TMTC1: variants seen among roughly 807,000 people sequenced by gnomAD.
TMTC1 encodes transmembrane O-mannosyltransferase targeting cadherins 1, also known as protein O-mannosyl-transferase TMTC1.
A neutral mutation model predicts 104.8 loss-of-function variants in TMTC1; 73 were observed. The ratio of observed to expected loss-of-function variants is 0.70; its 90% CI spans 0.58 to 0.85. TMTC1 has a LOEUF of 0.85. TMTC1 is among the 40% of genes least tolerant of loss of function. The pLI is 0.00. For missense variants in TMTC1, 1,035 were observed against 1,096.1 expected (o/e 0.94, Z 0.79); for synonymous variants, 434 against 428.7 (o/e 1.01, Z -0.15).
intron 1 of TMTC1, among the ~76,000 whole-genome samples, chr12:29,777,258 C>A (rs893119934): frequency 1.3e-5 from 2 of 151,986 alleles, no homozygotes; most frequent in Non-Finnish European, 2.9e-5. Context: ...CCATGCCCAG[C>A]TAATTTTTGT....
intron 6 of TMTC1, among the ~76,000 whole-genome samples, chr12:29,604,939 C>A (rs997257837): frequency 1.3e-5 from 2 of 151,986 alleles, no homozygotes; most frequent in African/African-American, 4.8e-5. Context: ...TGACAAAGAA[C>A]CTCCTCTGTT....
At chr12:29,687,226 A>G (rs1415585189) in intron 5 of TMTC1, among the ~76,000 whole-genome samples, 1 of 152,236 alleles carries the variant, frequency 6.6e-6, no homozygotes, top group Non-Finnish European at 1.5e-5. Flanking sequence ...AAACTGATAC[A>G]CTTTAAGTGG....
chr12:29,524,444 A>C (rs1173936244), intron 11 of TMTC1, among the ~76,000 whole-genome samples: 6 of 152,226 alleles, frequency 3.9e-5, no homozygotes, highest in African/African-American at 7.2e-5. Context: ...TCCAGTAGAC[A>C]ATCTAGAGTA....
Position 29,556,978 on chromosome 12 carries a change from C to G in TMTC1, c.1555G>C (p.Ala519Pro). The change falls in exon 10 of 18, where the codon GCG becomes CCG. Residue 519 changes from alanine to proline, a missense_variant. Transcript: ENST00000539277. ...GTCAGTGTTCCAAGGTTGTTGAGCG[C>G]ACTTGCATGGCGTGGATACAACCTG... ...ALKLYPRHASALNNLGTLTRD... is the reference protein window; with the variant it reads ...ALKLYPRHASPLNNLGTLTRD... 6.2e-7 allele frequency: 1 copy of G among 1,614,104 alleles called. No individual in the cohort carries two copies. Among genetic ancestry groups the G allele is most frequent in the South Asian group, 1.1e-5 (1 of 91,070 alleles).
intron 7 of TMTC1, among the ~76,000 whole-genome samples, chr12:29,585,609 A>AT (rs1946112110): frequency 6.6e-6 from 1 of 152,114 alleles, no homozygotes; most frequent in African/African-American, 2.4e-5. Context: ...TCTTGAATTA[A>AT]TTTTTTGTAT....
intron 10 of TMTC1, among the ~76,000 whole-genome samples, chr12:29,547,651 T>C (rs942908743): frequency 1.3e-5 from 2 of 152,196 alleles, no homozygotes; most frequent in African/African-American, 4.8e-5. Flanking sequence ...GTATTTCTCA[T>C]ACATTGACAA....
chr12:29,684,138 C>T (rs1234381246), intron 5 of TMTC1, among the ~76,000 whole-genome samples: 1 of 152,214 alleles, frequency 6.6e-6, no homozygotes, highest in Non-Finnish European at 1.5e-5. Flanking sequence ...GCCCCTGCGT[C>T]CAACCCTTCC....
At chr12:29,543,446 G>A (rs1346629725) in intron 10 of TMTC1, among the ~76,000 whole-genome samples, 1 of 152,168 alleles carries the variant, frequency 6.6e-6, no homozygotes, top group Non-Finnish European at 1.5e-5. Context: ...CGTAGGAAAT[G>A]CCAGTAACAG....
chr12:29,513,437 G>A (rs771349326), intron 16 of TMTC1, among the ~76,000 whole-genome samples: 13 of 152,018 alleles, frequency 8.6e-5, no homozygotes, highest in Non-Finnish European at 1.5e-4. Context: ...TGAAAAGGCA[G>A]AGAAAATCCT....
intron 5 of TMTC1, among the ~76,000 whole-genome samples, chr12:29,748,696 G>A (rs1424107192): frequency 6.6e-6 from 1 of 152,200 alleles, no homozygotes; most frequent in Non-Finnish European, 1.5e-5. Context: ...GTACATAGTA[G>A]TTGGATAATA....
chr12:29,616,667 C>T (rs550663052), intron 6 of TMTC1, among the ~76,000 whole-genome samples: 1,504 of 90,926 alleles, frequency 0.017, 25 homozygotes, highest in African/African-American at 0.059. Flanking sequence ...AAAACTTGGT[C>T]TCAAAAAAAA....
intron 9 of TMTC1, among the ~76,000 whole-genome samples, chr12:29,560,981 T>C (rs1386048462): frequency 6.6e-6 from 1 of 152,200 alleles, no homozygotes; most frequent in Non-Finnish European, 1.5e-5. Context: ...AGACATTGTC[T>C]CATTTACCCT....
intron 5 of TMTC1, among the ~76,000 whole-genome samples, chr12:29,698,973 G>A (rs565154479): frequency 6.6e-6 from 1 of 152,202 alleles, no homozygotes; most frequent in Non-Finnish European, 1.5e-5. Flanking sequence ...ATGGGAAACA[G>A]AATTTTGACT....
chr12:29,645,898 G>C (rs540718308), intron 5 of TMTC1, among the ~76,000 whole-genome samples: 4 of 152,236 alleles, frequency 2.6e-5, no homozygotes, highest in African/African-American at 9.6e-5. Flanking sequence ...CGGATTATTT[G>C]ACAGCAAATC....
At chr12:29,766,008 T>C (rs1365265825) in intron 2 of TMTC1, among the ~76,000 whole-genome samples, 1 of 152,084 alleles carries the variant, frequency 6.6e-6, no homozygotes, top group African/African-American at 2.4e-5. Context: ...ATCATTAGAG[T>C]TACCTGTCAT....
At chr12:29,672,635 T>C (rs956953434) in intron 5 of TMTC1, among the ~76,000 whole-genome samples, 1 of 152,150 alleles carries the variant, frequency 6.6e-6, no homozygotes, top group African/African-American at 2.4e-5. Context: ...GGGCCCTCCA[T>C]AGCCCTCCTC....
chr12:29,613,069 C>T (rs945186532), intron 6 of TMTC1, among the ~76,000 whole-genome samples: 11 of 152,094 alleles, frequency 7.2e-5, no homozygotes, highest in Admixed American at 5.2e-4. Flanking sequence ...TATAATATTC[C>T]ACTGTTTATG....
chr12:29,758,837 C>T, intron 2 of TMTC1, 60 bp from the exon 3 acceptor site: 4 of 1,380,956 alleles, frequency 2.9e-6, no homozygotes, highest in Non-Finnish European at 3.9e-6. Context: ...AAAACTATTA[C>T]ACAAATCCAT....
chr12:29,734,551 C>T (rs541720418), intron 5 of TMTC1, among the ~76,000 whole-genome samples: 6 of 152,266 alleles, frequency 3.9e-5, no homozygotes, highest in Admixed American at 2.0e-4. Context: ...ACAAACCAAA[C>T]GGAGGATGCC....
Sources: gnomAD v4.1 joint callset for allele counts (sites outside exome capture counted in the v4.1 genomes callset) on GRCh38, gnomAD v4.1.1 for gene constraint, MANE v1.5 for transcripts, NCBI Gene and HGNC (gene_info 2026-07-23, HGNC 2026-07-21) for gene names.